Variants in ASPH observed in about 807,000 individuals in gnomAD.
ASPH encodes the protein aspartate beta-hydroxylase.
A neutral mutation model predicts 118.4 loss-of-function variants in ASPH; 100 were observed. The observed-to-expected ratio is 0.84, with a 90% confidence interval of 0.72 to 1.00. The LOEUF (loss-of-function observed/expected upper bound fraction) is 1.00, where lower values mean the gene tolerates loss of function less well. Among genes scored for constraint, ASPH ranks in the 50% least tolerant of loss-of-function variants. The pLI is 0.00. For missense variants in ASPH, 920 were observed against 919.5 expected (o/e 1.00, Z -0.01); for synonymous variants, 315 against 325.6 (o/e 0.97, Z 0.35).
chr8:61,585,429 T>A (rs1839116197), intron 14 of ASPH, among the ~76,000 whole-genome samples: 1 of 152,122 alleles, frequency 6.6e-6, no homozygotes. Context: ...CTTCCTCAAT[T>A]TTCTGACAAT....
At chr8:61,660,760 A>G (rs760065148) in intron 3 of ASPH, 1 of 152,216 alleles carries the variant, frequency 6.6e-6, no homozygotes, top group Non-Finnish European at 1.5e-5. Flanking sequence ...AAAACTAAAT[A>G]TATTCCTAAT....
chr8:61,522,337 C>T (rs557777126), intron 22 of ASPH, among the ~76,000 whole-genome samples: 57 of 152,290 alleles, frequency 3.7e-4, no homozygotes, highest in African/African-American at 9.1e-4. Context: ...TATTTTCTCA[C>T]AGTTCTGGAG....
chr8:61,545,629 T>A lies in ASPH; in HGVS notation c.1764+2442A>T, dbSNP rs114911037. Among the ~76,000 whole-genome samples the A allele has an allele frequency of 8.4e-3, 1,283 of 152,260 alleles. 18 individuals are homozygous for A. Among genetic ancestry groups the A allele is most frequent in the African/African-American group, 0.028 (1,184 of 41,568 alleles). On this transcript the variant is annotated intron_variant, in intron 21 of 24. Transcript: ENST00000379454. ...TGGAGAAGATTTCTTAGAAAATGAA[T>A]GGCAAGAAAAAGAGAAAAGAAAGCA...
chr8:61,552,830 C>T (rs1362801094), intron 20 of ASPH, among the ~76,000 whole-genome samples: 1 of 152,118 alleles, frequency 6.6e-6, no homozygotes, highest in Non-Finnish European at 1.5e-5. Flanking sequence ...ACTATAAAAG[C>T]CAAATCCCAA....
At chr8:61,679,025 G>C (rs1451273673) in intron 3 of ASPH, among the ~76,000 whole-genome samples, 1 of 152,042 alleles carries the variant, frequency 6.6e-6, no homozygotes, top group Non-Finnish European at 1.5e-5. Context: ...TCACAAACCA[G>C]AAAAGAACTT....
Position 61,684,108 on chromosome 8 carries a change from C to T in ASPH, c.184G>A (p.Ala62Thr). Residue 62 changes from alanine (A) to threonine (T), a missense_variant, in exon 2 of 25, where the codon GCA becomes ACA. Physicochemically the swap from Ala to Thr is moderately conservative, Grantham distance 58. Coordinates refer to ENST00000379454, the MANE Select transcript of ASPH (RefSeq NM_004318.4). ...ACAGATGTCCAGACGCCCAGCAATGCAATCACCATAAACCACGTGAAGAAT... is the reference window on the plus strand; with the variant it reads ...ACAGATGTCCAGACGCCCAGCAATGTAATCACCATAAACCACGTGAAGAAT... ...TSFFTWFMVI[A>T]LLGVWTSVAV... 1 of 1,613,820 alleles carries T rather than the reference C, an allele frequency of 6.2e-7. No homozygotes were observed. The highest frequency in any genetic ancestry group is 8.5e-7 in the Non-Finnish European group (1 of 1,179,798).
chr8:61,580,574 T>C (rs1837203416), intron 15 of ASPH, among the ~76,000 whole-genome samples: 1 of 152,208 alleles, frequency 6.6e-6, no homozygotes, highest in South Asian at 2.1e-4. Flanking sequence ...TTTCCAGAAT[T>C]AGTTTCTCTG....
chr8:61,714,226 C>A (rs1442403236), intron 1 of ASPH, 43 bp downstream of exon 1: 1 of 1,434,788 alleles, frequency 7.0e-7, no homozygotes. Flanking sequence ...GGCTCCCTAC[C>A]CCGAGGCGAG....
chr8:61,539,048 C>G (rs1404706462), intron 21 of ASPH, among the ~76,000 whole-genome samples: 1 of 151,998 alleles, frequency 6.6e-6, no homozygotes, highest in Non-Finnish European at 1.5e-5. Context: ...TTGAGACCAG[C>G]TTGGCCAACA....
intron 3 of ASPH, among the ~76,000 whole-genome samples, chr8:61,677,471 C>T (rs970221964): frequency 6.6e-6 from 1 of 151,738 alleles, no homozygotes; most frequent in Non-Finnish European, 1.5e-5. Context: ...CACAATGTCT[C>T]CATGTAGTAT....
At chr8:61,570,685 G>A (rs1452423912) in intron 16 of ASPH, among the ~76,000 whole-genome samples, 5 of 152,166 alleles carry the variant, frequency 3.3e-5, no homozygotes, top group Non-Finnish European at 7.4e-5. Flanking sequence ...TGAAAAGTCT[G>A]CAGATTGATT....
At position 61,619,161 on chromosome 8, in the gene ASPH, C is replaced by T. The variant is rs536880679; in HGVS notation, c.935-142G>A. Reference sequence around the variant, plus strand: ...GCATACAATTCAATTTTCCTAAATCCTGAATTCATTACACATGAAGTTCAT... The same window carrying T: ...GCATACAATTCAATTTTCCTAAATCTTGAATTCATTACACATGAAGTTCAT... On this transcript the variant is annotated intron_variant, in intron 13 of 24. Coordinates refer to ENST00000379454, the MANE Select transcript of ASPH (RefSeq NM_004318.4). The T allele has an allele frequency of 1.9e-5, 11 of 573,052 alleles. No individual in the cohort carries two copies. The Admixed American group carries it at 3.9e-4, about 20-fold the overall frequency. 35.5% of individuals were successfully genotyped at this position (573,052 alleles called of 1,614,324 possible).
intron 12 of ASPH, among the ~76,000 whole-genome samples, chr8:61,635,506 G>A (rs1463844583): frequency 1.3e-5 from 2 of 152,080 alleles, no homozygotes; most frequent in Non-Finnish European, 2.9e-5. Flanking sequence ...AACTCCCAGA[G>A]TTAAAATGTC....
chr8:61,518,099 T>C lies in ASPH; in HGVS notation c.1925A>G (p.Lys642Arg). ...QQGRRNENAC[K>R]GAPKTCTLLE... ...TAAGGTACAGGTTTTAGGAGCTCCTTTGCAGGCATTTTCATTTCTTCTTCC... is the reference window on the plus strand; with the variant it reads ...TAAGGTACAGGTTTTAGGAGCTCCTCTGCAGGCATTTTCATTTCTTCTTCC... Residue 642 changes from lysine (K) to arginine (R), a missense_variant, in exon 23 of 25, where the codon AAA (lysine) becomes AGA (arginine). By Grantham distance (26) the Lys-to-Arg change is conservative. Transcript: ENST00000379454. The C allele has an allele frequency of 6.2e-7, 1 of 1,613,776 alleles. No homozygotes were observed. The highest frequency in any genetic ancestry group is 8.5e-7 in the Non-Finnish European group (1 of 1,179,758).
intron 16 of ASPH, among the ~76,000 whole-genome samples, chr8:61,567,658 C>T (rs148229987): frequency 2.0e-5 from 3 of 152,258 alleles, no homozygotes; most frequent in Non-Finnish European, 2.9e-5. Flanking sequence ...TTAATTTATT[C>T]GTGTATGCAT....
At position 61,578,375 on chromosome 8, in the gene ASPH, C is replaced by T. The variant is rs369774516; in HGVS notation, c.1063-1517G>A. The T allele has an allele frequency of 2.0e-4, 315 of 1,604,688 alleles. No homozygotes were observed. In the African/African-American group the frequency reaches 2.6e-3, roughly 13 times the overall value. ...GCAGCTTTCGGGGTGGCCTGGGAGG[C>T]GGCTATAGTGGGGCCAGCGGCATGG... On this transcript the variant is annotated intron_variant, in intron 15 of 24. Coordinates refer to ENST00000379454, the MANE Select transcript of ASPH (RefSeq NM_004318.4).
intron 23 of ASPH, 89 bp downstream of exon 23, chr8:61,517,943 C>T: frequency 7.3e-7 from 1 of 1,363,590 alleles, no homozygotes; most frequent in Non-Finnish European, 1.0e-6. Context: ...TTCATTGGGC[C>T]AAAGGAAACA....
intron 18 of ASPH, among the ~76,000 whole-genome samples, chr8:61,559,343 T>C (rs72657101): frequency 0.076 from 11,629 of 152,276 alleles, 658 homozygotes; most frequent in East Asian, 0.28. Flanking sequence ...AGTTAAGTTT[T>C]TGGGGAGTCA....
At chr8:61,512,207 C>T (rs1259049853) in intron 24 of ASPH, among the ~76,000 whole-genome samples, 3 of 152,176 alleles carry the variant, frequency 2.0e-5, no homozygotes, top group Admixed American at 2.0e-4. Flanking sequence ...CCCTGTCCCC[C>T]TTCCCTGCTA....
Sources: gnomAD v4.1 joint callset for allele counts (sites outside exome capture counted in the v4.1 genomes callset) on GRCh38, gnomAD v4.1.1 for gene constraint, MANE v1.5 for transcripts, NCBI Gene and HGNC (gene_info 2026-07-23, HGNC 2026-07-21) for gene names.